Variants in CPB2 observed in about 807,000 individuals in gnomAD.
The protein encoded by CPB2 is carboxypeptidase B-like protein.
CPB2 carries 54 observed loss-of-function variants against 57.0 expected under a neutral mutation model. The ratio of observed to expected loss-of-function variants is 0.95; its 90% confidence interval spans 0.76 to 1.19. CPB2 has a LOEUF of 1.19. Among genes scored for constraint, CPB2 ranks in the 50% most tolerant of loss-of-function variants. The pLI, the probability that CPB2 is intolerant of heterozygous loss-of-function variation, is 0.00. For missense variants in CPB2, 426 were observed against 512.0 expected, an observed-to-expected ratio of 0.83 and a Z score of 1.62; for synonymous variants, 189 against 178.1, an observed-to-expected ratio of 1.06 and a Z score of -0.49.
intron 6 of CPB2, chr13:46,073,387 A>C (rs539328063): frequency 1.5e-6 from 1 of 681,760 alleles, no homozygotes; most frequent in African/African-American, 2.0e-5. Flanking sequence ...TTGATGCAAA[A>C]CCCTTCTTCA....
At chr13:46,084,860 A>T (rs7336836) in intron 2 of CPB2, among the ~76,000 whole-genome samples, 157 of 141,744 alleles carry the variant, frequency 1.1e-3, no homozygotes, top group South Asian at 1.8e-3. Context: ...TTTATTTTTT[A>T]TTTTTTTTTT....
intron 1 of CPB2, among the ~76,000 whole-genome samples, chr13:46,089,771 C>G (rs975389967): frequency 6.6e-6 from 1 of 152,124 alleles, no homozygotes; most frequent in Non-Finnish European, 1.5e-5. Flanking sequence ...TCTGTCTATG[C>G]GGAAGATAGT....
chr13:46,071,390 GC>G (rs900019775), intron 6 of CPB2, among the ~76,000 whole-genome samples: 8 of 152,130 alleles, frequency 5.3e-5, no homozygotes, highest in Non-Finnish European at 1.2e-4. Flanking sequence ...GCTGTCCATG[GC>G]CACATTCTGG....
At chr13:46,062,775 AT>A (rs1298527528) in intron 8 of CPB2, among the ~76,000 whole-genome samples, 1 of 152,216 alleles carries the variant, frequency 6.6e-6, no homozygotes, top group African/African-American at 2.4e-5. Context: ...AGGGAAAAAA[AT>A]AAGGAAATAA....
At chr13:46,080,741 C>T (rs1166175029) in intron 4 of CPB2, among the ~76,000 whole-genome samples, 8 of 152,014 alleles carry the variant, frequency 5.3e-5, no homozygotes, top group South Asian at 4.1e-4. Flanking sequence ...GAGGCCAAGG[C>T]GAGCAGATCA....
intron 5 of CPB2, among the ~76,000 whole-genome samples, chr13:46,075,828 G>A (rs1200468759): frequency 6.6e-6 from 1 of 152,104 alleles, no homozygotes; most frequent in Non-Finnish European, 1.5e-5. Context: ...TTTTTTTTAA[G>A]AGAGAGAGGT....
Position 46,053,608 on chromosome 13 carries a change from G to A in CPB2, c.*6C>T, listed in dbSNP as rs2044618529. 1 of 1,607,990 alleles carries A rather than the reference G, an allele frequency of 6.2e-7. No individual in the cohort carries two copies. Among genetic ancestry groups the A allele is most frequent in the Admixed American group, 1.7e-5 (1 of 59,626 alleles). ...ATACGGAAGCAGAATGATAAAATCA[G>A]GGGCATTAAACATTCCTAATGACAT... is the stretch of plus-strand genomic sequence containing the variant. On this transcript the variant is annotated 3_prime_UTR_variant, in exon 11 of 11. Coordinates refer to ENST00000181383, the MANE Select transcript of CPB2 (RefSeq NM_001872.5).
chr13:46,068,473 C>G (rs772119311), intron 6 of CPB2, among the ~76,000 whole-genome samples: 1 of 152,004 alleles, frequency 6.6e-6, no homozygotes, highest in Non-Finnish European at 1.5e-5. Context: ...TACTGTAGGT[C>G]AGAAATAAAA....
intron 5 of CPB2, 79 bp downstream of exon 5, chr13:46,078,721 C>T: frequency 1.1e-6 from 1 of 950,934 alleles, no homozygotes. Context: ...AGGAAACAAA[C>T]TCAAGTTTTA....
chr13:46,081,787 G>A (rs985854841), intron 4 of CPB2, among the ~76,000 whole-genome samples: 9 of 152,152 alleles, frequency 5.9e-5, no homozygotes, highest in Admixed American at 1.3e-4. Flanking sequence ...GTCCTCCTGC[G>A]AATTTATTCT....
At chr13:46,062,025 G>GTTTTT (rs5803326) in intron 8 of CPB2, among the ~76,000 whole-genome samples, 2 of 124,494 alleles carry the variant, frequency 1.6e-5, no homozygotes, top group Non-Finnish European at 3.4e-5. Context: ...TTTTTATTTG[G>GTTTTT]TTTTTTTTTT....
chr13:46,084,195 C>T lies in CPB2; in HGVS notation c.275+24G>A, dbSNP rs2045163020. On this transcript the variant is annotated intron_variant, in intron 3 of 10. Coordinates refer to ENST00000181383, the MANE Select transcript of CPB2 (RefSeq NM_001872.5). ...ATAGTAAGTGTTTATAATAACTACTCAATACGTATTGAACGGTGCCTACCT... is the reference window on the plus strand; with the variant it reads ...ATAGTAAGTGTTTATAATAACTACTTAATACGTATTGAACGGTGCCTACCT... 2.5e-6 allele frequency: 4 copies of T among 1,613,156 alleles called. No homozygotes were observed. The East Asian group carries it at 8.9e-5, about 36-fold the overall frequency.
intron 2 of CPB2, among the ~76,000 whole-genome samples, chr13:46,084,768 T>G (rs2840241): frequency 0.79 from 119,404 of 151,620 alleles, 47,373 homozygotes; most frequent in African/African-American, 0.88. Flanking sequence ...TCATGTCATT[T>G]TTCCTTTTTT....
At position 46,073,048 on chromosome 13, in the gene CPB2, G is replaced by T. The variant is rs533677620; in HGVS notation, c.591+825C>A. On this transcript the variant is annotated intron_variant, in intron 6 of 10. Transcript: ENST00000181383. ...TTCACAGTGAATGAAGGCAAATAGG[G>T]ATGTTGCATTTGTCAAGGTCAAGCA... Among the ~76,000 whole-genome samples the T allele has an allele frequency of 1.1e-4, 17 of 152,284 alleles. No homozygotes were observed. The South Asian group carries it at 3.5e-3, about 32-fold the overall frequency.
intron 4 of CPB2, 59 bp downstream of exon 4, chr13:46,082,382 G>T: frequency 3.2e-6 from 3 of 947,506 alleles, no homozygotes; most frequent in Non-Finnish European, 3.2e-6. Flanking sequence ...TCCCCTGATT[G>T]AAATGGCAAT....
intron 1 of CPB2, among the ~76,000 whole-genome samples, chr13:46,103,505 A>C (rs2045461254): frequency 6.6e-6 from 1 of 152,236 alleles, no homozygotes; most frequent in Non-Finnish European, 1.5e-5. Context: ...TCCAAGCTCT[A>C]CATTTACTGT....
At chr13:46,078,760 C>A in intron 5 of CPB2, 40 bp downstream of exon 5, 1 of 1,247,244 alleles carries the variant, frequency 8.0e-7, no homozygotes, top group Non-Finnish European at 1.2e-6. Context: ...TTAATCCCTC[C>A]CCTCACAGTG....
chr13:46,088,150 T>C (rs2045238569), intron 1 of CPB2, among the ~76,000 whole-genome samples: 1 of 152,220 alleles, frequency 6.6e-6, no homozygotes, highest in Admixed American at 6.5e-5. Context: ...CTGATCCTAG[T>C]TAATTATACA....
At position 46,058,395 on chromosome 13, in the gene CPB2, G is replaced by C. The variant is rs763969558; in HGVS notation, c.797-14C>G. ...ATGCACCTTCCTCTGTAACGAAATTGTTAAGGTGAAATTATGAGGGGATGC... is the reference window on the plus strand; with the variant it reads ...ATGCACCTTCCTCTGTAACGAAATTCTTAAGGTGAAATTATGAGGGGATGC... On this transcript the variant is annotated splice_polypyrimidine_tract_variant and intron_variant, in intron 8 of 10. Transcript: ENST00000181383. The C allele has an allele frequency of 1.9e-6, 3 of 1,612,498 alleles. No homozygotes were observed. The South Asian group carries it at 3.3e-5, about 18-fold the overall frequency.
Sources: gnomAD v4.1 joint callset for allele counts (sites outside exome capture counted in the v4.1 genomes callset) on GRCh38, gnomAD v4.1.1 for gene constraint, MANE v1.5 for transcripts, NCBI Gene and HGNC (gene_info 2026-07-23, HGNC 2026-07-21) for gene names.